ITSN2: variants seen among roughly 807,000 people sequenced by gnomAD.
ITSN2 encodes the protein intersectin 2.
ITSN2 carries 156 observed loss-of-function variants against 243.7 expected under a neutral mutation model. The ratio of observed to expected loss-of-function variants is 0.64; its 90% CI spans 0.56 to 0.73. ITSN2 has a LOEUF of 0.73. Among genes scored for constraint, ITSN2 ranks in the 30% least tolerant of loss-of-function variants. The pLI is 0.00. For synonymous variants in ITSN2, 703 were observed against 699.9 expected, an observed-to-expected ratio of 1.00 and a Z score of -0.07; for missense variants, 1,801 against 1,996.1, an observed-to-expected ratio of 0.90 and a Z score of 1.86.
rs183568596 is a variant in ITSN2, at chr2:24,295,774, G to A, written c.1525C>T (p.Leu509Phe). 2 of 1,559,798 alleles carry A rather than the reference G, an allele frequency of 1.3e-6. No individual in the cohort carries two copies. The highest frequency in any genetic ancestry group is 1.7e-6 in the Non-Finnish European group (2 of 1,159,116). ...NGKHQQISGR[L>F]QDVRLKKQTQ... ...TGCTTTTTGAGTCGGACATCCTGAA[G>A]TCTGCCTGAGATCTGCTGATGTTTG... The change falls in exon 14 of 40, where the codon CTT becomes TTT. Residue 509 changes from leucine (L) to phenylalanine (F), a missense_variant. By Grantham distance (22) the Leu-to-Phe change is conservative. Around this residue, in one of 5 missense-constraint regions of ITSN2, gnomAD observed 787 missense variants for 803.9 expected, o/e 0.98. Coordinates refer to ENST00000355123, the MANE Select transcript of ITSN2 (RefSeq NM_006277.3).
chr2:24,206,500 T>C (rs879754115), intron 37 of ITSN2, among the ~76,000 whole-genome samples: 5 of 150,452 alleles, frequency 3.3e-5, no homozygotes, highest in African/African-American at 1.2e-4. Flanking sequence ...AGCAGGGAGG[T>C]TGGGGCCTGG....
At chr2:24,246,954 A>G (rs1673456985) in intron 27 of ITSN2, 61 bp from the exon 28 acceptor site, 3 of 1,141,102 alleles carry the variant, frequency 2.6e-6, no homozygotes, top group African/African-American at 1.6e-5. Flanking sequence ...TCATTGAGAC[A>G]TAACTTAAAA....
chr2:24,300,732 T>G (rs60469428), intron 11 of ITSN2, among the ~76,000 whole-genome samples: 19,963 of 152,122 alleles, frequency 0.13, 1,865 homozygotes, highest in African/African-American at 0.26. Flanking sequence ...TTTCAACTTT[T>G]TTCTCTTCTT....
At chr2:24,296,773 G>C (rs976436256) in intron 13 of ITSN2, among the ~76,000 whole-genome samples, 2 of 152,148 alleles carry the variant, frequency 1.3e-5, no homozygotes, top group Non-Finnish European at 2.9e-5. Flanking sequence ...AGTGGAGTGA[G>C]GGGAAATGAC....
At chr2:24,359,044 A>C (rs1280580720) in intron 1 of ITSN2, among the ~76,000 whole-genome samples, 1 of 152,216 alleles carries the variant, frequency 6.6e-6, no homozygotes, top group Middle Eastern at 3.2e-3. Flanking sequence ...AAATACATCC[A>C]CTTTATTTAC....
intron 17 of ITSN2, among the ~76,000 whole-genome samples, chr2:24,277,796 T>C (rs1435997952): frequency 6.6e-6 from 1 of 152,188 alleles, no homozygotes; most frequent in Non-Finnish European, 1.5e-5. Context: ...TTGTGCCACA[T>C]GTAAAATACA....
chr2:24,324,593 A>G (rs1461071382), intron 2 of ITSN2, among the ~76,000 whole-genome samples: 1 of 152,082 alleles, frequency 6.6e-6, no homozygotes, highest in Non-Finnish European at 1.5e-5. Flanking sequence ...TTGCCTGGGC[A>G]CAGCCCAGCA....
At chr2:24,208,096 G>A in intron 37 of ITSN2, 141 bp downstream of exon 37, 1 of 763,630 alleles carries the variant, frequency 1.3e-6, no homozygotes, top group South Asian at 1.6e-5. Context: ...AGCTTCAAGA[G>A]GGGAGGGCTC....
chr2:24,324,428 A>G (rs1684930095), intron 2 of ITSN2, among the ~76,000 whole-genome samples: 1 of 151,896 alleles, frequency 6.6e-6, no homozygotes, highest in African/African-American at 2.4e-5. Context: ...ATCTCCTGAC[A>G]TTTCCTTGGC....
At chr2:24,203,842 CT>C in intron 39 of ITSN2, 59 bp from the exon 40 acceptor site, 1 of 1,509,828 alleles carries the variant, frequency 6.6e-7, no homozygotes, top group Non-Finnish European at 9.0e-7. Context: ...CATTAAAGAG[CT>C]ACATCCGGAA....
intron 9 of ITSN2, among the ~76,000 whole-genome samples, 171 bp downstream of exon 9, chr2:24,303,628 A>G (rs1682088540): frequency 6.6e-6 from 1 of 152,228 alleles, no homozygotes; most frequent in Admixed American, 6.5e-5. Context: ...CATTCTGCAC[A>G]ATTACATTTG....
chr2:24,209,282 T>G, intron 35 of ITSN2, 61 bp from the exon 36 acceptor site: 1 of 1,600,374 alleles, frequency 6.2e-7, no homozygotes, highest in South Asian at 1.1e-5. Context: ...CACCCGCCTA[T>G]GTCCAGAGAG....
At chr2:24,259,831 A>G (rs746181895) in intron 22 of ITSN2, among the ~76,000 whole-genome samples, 1 of 152,180 alleles carries the variant, frequency 6.6e-6, no homozygotes, top group African/African-American at 2.4e-5. Context: ...GACCTTGTAG[A>G]TATCTTTAAT....
intron 2 of ITSN2, among the ~76,000 whole-genome samples, chr2:24,325,908 TAC>T (rs1685109715): frequency 6.6e-6 from 1 of 151,948 alleles, no homozygotes; most frequent in African/African-American, 2.4e-5. Context: ...TCTCGGTTTT[TAC>T]ACACACACGT....
chr2:24,203,589 T>C lies in ITSN2; in HGVS notation c.*37A>G. 1 of 1,595,330 alleles carries C rather than the reference T, an allele frequency of 6.3e-7. No individual in the cohort carries two copies. The highest frequency in any genetic ancestry group is 2.0e-4 in the Middle Eastern group (1 of 5,122). ...AGTCTCTCATTCTCCAGCCCCAGCC[T>C]TGTGGGCTGTCCCGCTGGTGCTGTC... On this transcript the variant is annotated 3_prime_UTR_variant, in exon 40 of 40. Coordinates refer to ENST00000355123, the MANE Select transcript of ITSN2 (RefSeq NM_006277.3).
chr2:24,301,235 C>G lies in ITSN2; in HGVS notation c.1000G>C (p.Gly334Arg). The change falls in exon 11 of 40, where the codon GGA becomes CGA. Residue 334 changes from glycine (G) to arginine (R), a missense_variant. This residue lies in a region of ITSN2 where 787 missense variants were observed against 803.9 expected (regional missense o/e 0.98). Coordinates refer to ENST00000355123, the MANE Select transcript of ITSN2 (RefSeq NM_006277.3). ...CCATTAATGGAATCAATTTGCTTTC[C>G]TCCTCTAAAAAAATCAAACAACAAA... ...PELVPPSFRG[G>R]KQIDSINGTL... The G allele has an allele frequency of 6.2e-7, 1 of 1,600,478 alleles. No homozygotes were observed. The highest frequency in any genetic ancestry group is 1.3e-5 in the African/African-American group (1 of 74,586).
chr2:24,210,848 G>C lies in ITSN2; in HGVS notation c.4189C>G (p.Arg1397Gly). The change falls in exon 34 of 40, where the codon CGG (arginine) becomes GGG (glycine). Residue 1397 changes from arginine (R) to glycine (G), a missense_variant. Coordinates refer to ENST00000355123, the MANE Select transcript of ITSN2 (RefSeq NM_006277.3). ...ELCSQVNEGVREKENSDRLEW... is the reference protein window; with the variant it reads ...ELCSQVNEGVGEKENSDRLEW... Reference sequence around the variant, plus strand: ...AGTCGGTCCGAGTTTTCCTTCTCCCGAACTCCCTCATTCACTTGAGAGCAC... The same window carrying C: ...AGTCGGTCCGAGTTTTCCTTCTCCCCAACTCCCTCATTCACTTGAGAGCAC... 2 of 1,614,044 alleles carry C rather than the reference G, an allele frequency of 1.2e-6. No individual in the cohort carries two copies. The highest frequency in any genetic ancestry group is 2.7e-5 in the African/African-American group (2 of 75,010).
intron 13 of ITSN2, 146 bp from the exon 14 acceptor site, chr2:24,295,950 T>C (rs765260791): frequency 8.8e-6 from 5 of 569,296 alleles, no homozygotes; most frequent in Non-Finnish European, 1.4e-5. Context: ...CCAAGTGGAA[T>C]GTGTTTCAGA....
chr2:24,357,697 G>C (rs1271363785), intron 1 of ITSN2, among the ~76,000 whole-genome samples: 1 of 151,922 alleles, frequency 6.6e-6, no homozygotes, highest in African/African-American at 2.4e-5. Flanking sequence ...AAAAAAACTT[G>C]AATCCAAAAA....
Sources: gnomAD v4.1 joint callset for allele counts (sites outside exome capture counted in the v4.1 genomes callset) on GRCh38, gnomAD v4.1.1 for gene constraint, gnomAD v4.1.1 regional missense constraint, MANE v1.5 for transcripts, NCBI Gene and HGNC (gene_info 2026-07-23, HGNC 2026-07-21) for gene names.